LMNA: variants seen among roughly 807,000 people sequenced by gnomAD.
The protein encoded by LMNA is lamin A/C.
A neutral mutation model predicts 70.4 loss-of-function variants in LMNA; 20 were observed. That is an observed-to-expected ratio of 0.28 (90% CI 0.20 to 0.41). LMNA has a LOEUF of 0.41. LMNA is among the 10% of genes least tolerant of loss of function. LMNA has a pLI of 1.00. For synonymous variants in LMNA, 339 were observed against 372.8 expected (o/e 0.91, Z 1.04); for missense variants, 652 against 917.2 (o/e 0.71, Z 3.73).
At chr1:156,139,012 G>T (rs1651900270) in intron 11 of LMNA, 68 bp from the exon 12 acceptor site, 1 of 1,542,330 alleles carries the variant, frequency 6.5e-7, no homozygotes, top group Admixed American at 1.7e-5. Context: ...CCTTCTAGGG[G>T]CCAGGGGAGG....
At chr1:156,117,554 G>T (rs1457073834) in intron 1 of LMNA, among the ~76,000 whole-genome samples, 1 of 151,382 alleles carries the variant, frequency 6.6e-6, no homozygotes, top group African/African-American at 2.4e-5. Context: ...CTTGAGATAG[G>T]GTTTCACTCT....
intron 1 of LMNA, chr1:156,082,943 C>G (rs2102781511): frequency 6.6e-6 from 1 of 152,240 alleles, no homozygotes; most frequent in East Asian, 1.9e-4. Context: ...CTCCCGCTCT[C>G]CCAGAGTCGA....
At chr1:156,087,805 A>G (rs1648537305) in intron 2 of LMNA, among the ~76,000 whole-genome samples, 3 of 151,838 alleles carry the variant, frequency 2.0e-5, no homozygotes, top group African/African-American at 7.2e-5. Flanking sequence ...CTCCCACTTC[A>G]GCCTCCCAAA....
At chr1:156,119,599 C>T (rs901703679) in intron 1 of LMNA, among the ~76,000 whole-genome samples, 8 of 152,188 alleles carry the variant, frequency 5.3e-5, no homozygotes, top group Non-Finnish European at 1.0e-4. Flanking sequence ...GTCTGTAGCC[C>T]AAGGGATTTG....
rs917594498 is a variant in LMNA, at chr1:156,139,656, C to G, written c.*550C>G. 7.4e-6 allele frequency: 11 copies of G among 1,495,690 alleles called. No homozygotes were observed. The highest frequency in any genetic ancestry group is 8.9e-6 in the Non-Finnish European group (10 of 1,127,356). 92.7% of individuals were successfully genotyped at this position (1,495,690 alleles called of 1,614,324 possible). On this transcript the variant is annotated 3_prime_UTR_variant, in exon 12 of 12. Coordinates refer to ENST00000368300, the MANE Select transcript of LMNA (RefSeq NM_170707.4). ...TTGGCCTGCTGTGATTCCACTACAC[C>G]TGGCTGAGGTTCCTCTGCCTGCCCC...
rs1341446677 is a variant in LMNA at position 156,103,579 on chromosome 1, A to T, written c.-206-11134A>T. 6.6e-6 allele frequency among the ~76,000 whole-genome samples: 1 copy of T among 151,672 alleles called. No individual in the cohort carries two copies. The highest frequency in any genetic ancestry group is 2.4e-5 in the African/African-American group (1 of 41,262). ...GGAGGGCAGCGCATACCCCTAGCCA[A>T]CCCCTCCTTGCAAGCCCTCATTCGG... On this transcript the variant is annotated intron_variant, in intron 3 of 12. Transcript: ENST00000368301. This position sits in a 1 kb window ranked among gnomAD's most constrained non-coding sequence, Gnocchi z 4.7.
At chr1:156,095,608 C>T (rs1008561221) in intron 3 of LMNA, among the ~76,000 whole-genome samples, 8 of 151,910 alleles carry the variant, frequency 5.3e-5, no homozygotes, top group African/African-American at 1.9e-4. Context: ...CCACCCGCCT[C>T]GGCCTCTCAA....
At chr1:156,090,810 GC>G (rs1490837429) in intron 3 of LMNA, among the ~76,000 whole-genome samples, 1 of 152,230 alleles carries the variant, frequency 6.6e-6, no homozygotes, top group African/African-American at 2.4e-5. Flanking sequence ...TGCTGGTTGA[GC>G]AGGTGGCCGG....
At chr1:156,107,445 T>G (rs753486710) in intron 3 of LMNA, among the ~76,000 whole-genome samples, 3 of 152,198 alleles carry the variant, frequency 2.0e-5, no homozygotes, top group Non-Finnish European at 4.4e-5. Context: ...AAATCTTTCC[T>G]CCTCTGGCCT....
intron 2 of LMNA, among the ~76,000 whole-genome samples, chr1:156,133,526 G>A (rs969531707): frequency 4.6e-5 from 7 of 151,734 alleles, no homozygotes; most frequent in African/African-American, 1.2e-4. Flanking sequence ...AGCTGAGATC[G>A]CGCCACTGCT....
intron 3 of LMNA, among the ~76,000 whole-genome samples, chr1:156,101,897 A>G (rs904022313): frequency 1.7e-4 from 26 of 152,108 alleles, no homozygotes; most frequent in Non-Finnish European, 3.4e-4. Context: ...AGGCTGAGGA[A>G]GGAGGAGCAG....
intron 3 of LMNA, among the ~76,000 whole-genome samples, chr1:156,097,556 C>T (rs193135138): frequency 7.3e-4 from 112 of 152,388 alleles, no homozygotes; most frequent in Non-Finnish European, 3.1e-4. Flanking sequence ...CAGCCTGGCC[C>T]ACGGTGCCAT....
At chr1:156,093,225 A>G (rs923620569) in intron 3 of LMNA, among the ~76,000 whole-genome samples, 2 of 144,550 alleles carry the variant, frequency 1.4e-5, no homozygotes, top group East Asian at 2.1e-4. Context: ...GGCCTGTGCT[A>G]TCATCATCTG....
chr1:156,124,297 C>CT (rs1553263284), intron 1 of LMNA, among the ~76,000 whole-genome samples: 7 of 150,682 alleles, frequency 4.6e-5, no homozygotes, highest in Non-Finnish European at 8.9e-5. Context: ...CTCTCTCTCT[C>CT]TTTTTTTTTG....
chr1:156,127,034 C>T (rs959421985), intron 1 of LMNA: 8 of 1,007,412 alleles, frequency 7.9e-6, no homozygotes, highest in African/African-American at 4.9e-5. Flanking sequence ...CCCTGTCCTC[C>T]CTGCCAACCC....
chr1:156,120,241 T>A (rs1650095486), intron 1 of LMNA, among the ~76,000 whole-genome samples: 1 of 152,212 alleles, frequency 6.6e-6, no homozygotes, highest in Non-Finnish European at 1.5e-5. Flanking sequence ...TTGTCCCATG[T>A]CACACAATAA....
chr1:156,116,601 G>T (rs1421537371), intron 1 of LMNA, among the ~76,000 whole-genome samples: 1 of 152,160 alleles, frequency 6.6e-6, no homozygotes, highest in Non-Finnish European at 1.5e-5. Context: ...GTGTGGTTTT[G>T]TTGCCCAGGC....
intron 1 of LMNA, among the ~76,000 whole-genome samples, chr1:156,116,596 G>C (rs945084361): frequency 6.6e-6 from 1 of 152,114 alleles, no homozygotes; most frequent in Non-Finnish European, 1.5e-5. Context: ...GCTAGGTGTG[G>C]TTTTGTTGCC....
At chr1:156,113,611 C>T (rs1649622143), upstream of LMNA, among the ~76,000 whole-genome samples, 1 of 152,140 alleles carries the variant, frequency 6.6e-6, no homozygotes, top group African/African-American at 2.4e-5. Context: ...TTTGCTGTTC[C>T]TGTCCCCCAC....
Sources: allele counts gnomAD v4.1 joint callset (sites outside exome capture counted in the v4.1 genomes callset), GRCh38; gene constraint gnomAD v4.1.1; non-coding constraint Gnocchi (gnomAD v3.1); transcripts MANE v1.5; gene names NCBI Gene and HGNC (gene_info 2026-07-23, HGNC 2026-07-21).